FHIT: variants seen among roughly 807,000 people sequenced by gnomAD.
The protein encoded by FHIT is fragile histidine triad diadenosine triphosphatase.
Under a neutral mutation model 17.9 loss-of-function variants are expected in FHIT, and 19 were observed. The observed-to-expected ratio is 1.06, with a 90% confidence interval of 0.74 to 1.56. FHIT has a LOEUF of 1.56. Among genes scored for constraint, FHIT ranks in the 40% most tolerant of loss-of-function variants. FHIT has a pLI of 0.00. For missense variants in FHIT, 248 were observed against 189.2 expected (o/e 1.31, Z -1.82); for synonymous variants, 81 against 69.7 (o/e 1.16, Z -0.81).
chr3:59,952,749 G>C (rs547491311), intron 7 of FHIT, among the ~76,000 whole-genome samples: 2 of 152,282 alleles, frequency 1.3e-5, no homozygotes, highest in South Asian at 2.1e-4. Context: ...CCAAGCGCTG[G>C]TTCTGCATTT....
At chr3:60,182,395 A>G (rs1456038355) in intron 5 of FHIT, among the ~76,000 whole-genome samples, 1 of 152,206 alleles carries the variant, frequency 6.6e-6, no homozygotes, top group Non-Finnish European at 1.5e-5. Context: ...TAAGTAGCAC[A>G]AAACATGGCA....
At chr3:60,773,135 C>G (rs1278662355) in intron 4 of FHIT, among the ~76,000 whole-genome samples, 7 of 152,148 alleles carry the variant, frequency 4.6e-5, no homozygotes, top group African/African-American at 1.7e-4. Context: ...GAAGAACCCA[C>G]TGGGTGGTCA....
chr3:60,920,308 G>C (rs939183565), intron 3 of FHIT, among the ~76,000 whole-genome samples: 1 of 152,080 alleles, frequency 6.6e-6, no homozygotes, highest in Non-Finnish European at 1.5e-5. Flanking sequence ...TGAGAGAAAA[G>C]CTTAAGATTG....
chr3:59,967,365 T>C lies in FHIT; in HGVS notation c.279+44006A>G, dbSNP rs550982568. On this transcript the variant is annotated intron_variant, in intron 7 of 9. Transcript: ENST00000492590. ...AAGTATTATGTACTGAACATAACTG[T>C]ACGTGTGATACTTTTATACGACTGG... Among the ~76,000 whole-genome samples the C allele has an allele frequency of 1.6e-4, 24 of 152,288 alleles. 1 individual carries two copies. Among genetic ancestry groups the C allele is most frequent in the African/African-American group, 5.3e-4 (22 of 41,558 alleles).
chr3:60,542,797 T>C (rs924187470), intron 4 of FHIT, among the ~76,000 whole-genome samples: 32 of 152,196 alleles, frequency 2.1e-4, no homozygotes, highest in Admixed American at 1.6e-3. Context: ...GTTTGTGCTC[T>C]GCAAATCTCT....
chr3:61,085,195 CAT>C (rs1005207965), intron 2 of FHIT, among the ~76,000 whole-genome samples: 4 of 152,092 alleles, frequency 2.6e-5, no homozygotes. Flanking sequence ...ATGGTAAGTA[CAT>C]GTTTAACCTT....
chr3:60,142,587 C>T (rs9789989), intron 5 of FHIT, among the ~76,000 whole-genome samples: 67,442 of 152,010 alleles, frequency 0.44, 16,513 homozygotes, highest in East Asian at 0.65. Context: ...TAGCCTCAAA[C>T]TCCTGGGTTC....
chr3:60,095,879 C>T (rs189714467), intron 5 of FHIT, among the ~76,000 whole-genome samples: 1 of 152,338 alleles, frequency 6.6e-6, no homozygotes, highest in African/African-American at 2.4e-5. Flanking sequence ...TGAGCCACCA[C>T]CACAGCCAGG....
At chr3:59,755,306 G>T (rs1701156805) in intron 8 of FHIT, among the ~76,000 whole-genome samples, 1 of 152,162 alleles carries the variant, frequency 6.6e-6, no homozygotes, top group Admixed American at 6.5e-5. Context: ...TGCAGAAATA[G>T]GGAGCCTGGG....
intron 8 of FHIT, among the ~76,000 whole-genome samples, chr3:59,905,356 G>C (rs890067368): frequency 6.6e-6 from 1 of 152,214 alleles, no homozygotes. Flanking sequence ...TTTTCAGAAT[G>C]GGGGTGATAC....
At chr3:60,825,049 T>C (rs76553132) in intron 3 of FHIT, among the ~76,000 whole-genome samples, 1,861 of 152,298 alleles carry the variant, frequency 0.012, 17 homozygotes, top group Non-Finnish European at 0.02. Context: ...ACTGACACAA[T>C]TCAGTGTTGT....
At chr3:60,700,353 A>G (rs1228471936) in intron 4 of FHIT, among the ~76,000 whole-genome samples, 1 of 152,126 alleles carries the variant, frequency 6.6e-6, no homozygotes, top group Admixed American at 6.5e-5. Context: ...TCTAATTCCA[A>G]CGGTCTCATA....
chr3:60,917,479 A>G (rs1553767337), intron 3 of FHIT, among the ~76,000 whole-genome samples: 1 of 152,228 alleles, frequency 6.6e-6, no homozygotes, highest in African/African-American at 2.4e-5. Flanking sequence ...GGTTTTGCTC[A>G]TAATTAAAAT....
chr3:60,093,722 G>C (rs1270492336), intron 5 of FHIT, among the ~76,000 whole-genome samples: 1 of 152,174 alleles, frequency 6.6e-6, no homozygotes, highest in Non-Finnish European at 1.5e-5. Context: ...CACATGCGAA[G>C]GATTTAGAAT....
chr3:60,947,574 G>A (rs1263030107), intron 3 of FHIT, among the ~76,000 whole-genome samples: 1 of 152,144 alleles, frequency 6.6e-6, no homozygotes, highest in African/African-American at 2.4e-5. Context: ...CTAATTGGTT[G>A]CATTCACAAG....
chr3:60,651,592 CTT>C (rs2039992732), intron 4 of FHIT, among the ~76,000 whole-genome samples: 1 of 151,212 alleles, frequency 6.6e-6, no homozygotes, highest in East Asian at 1.9e-4. Context: ...AATTAATAAA[CTT>C]ATTTAATTCA....
At chr3:60,971,994 T>C (rs1469659194) in intron 3 of FHIT, among the ~76,000 whole-genome samples, 1 of 152,186 alleles carries the variant, frequency 6.6e-6, no homozygotes, top group Non-Finnish European at 1.5e-5. Flanking sequence ...TCGGTTATAA[T>C]TATTCTTAAT....
In FHIT at chr3:60,923,772, C is replaced by T. The variant is rs190459477; in HGVS notation, c.-110-101761G>A. Among the ~76,000 whole-genome samples the T allele has an allele frequency of 1.7e-4, 26 of 152,206 alleles. No homozygotes were observed. The East Asian group carries it at 4.1e-3, about 24-fold the overall frequency. ...AAGCAGGGCAAGGCATCATCTCACC[C>T]GAGAAGCACAAGGGGTCAGAGAATT... On this transcript the variant is annotated intron_variant, in intron 3 of 9. Transcript: ENST00000492590.
intron 5 of FHIT, among the ~76,000 whole-genome samples, chr3:60,495,686 T>C (rs2034273229): frequency 1.3e-5 from 2 of 152,122 alleles, no homozygotes; most frequent in African/African-American, 4.8e-5. Flanking sequence ...GCCATTCCTT[T>C]AAAAAATTTC....
Sources: allele counts gnomAD v4.1 joint callset (sites outside exome capture counted in the v4.1 genomes callset), GRCh38; gene constraint gnomAD v4.1.1; transcripts MANE v1.5; gene names NCBI Gene and HGNC (gene_info 2026-07-23, HGNC 2026-07-21).